Variants in DTNA observed in about 807,000 individuals in gnomAD.
The protein encoded by DTNA is dystrobrevin alpha.
Under a neutral mutation model 100.7 loss-of-function variants are expected in DTNA, and 43 were observed. The observed-to-expected ratio is 0.43, with a 90% CI of 0.33 to 0.55. DTNA has a LOEUF of 0.55. Ranked by LOEUF, DTNA falls within the 20% of genes least tolerant of loss-of-function variation. The pLI, the probability that DTNA is intolerant of heterozygous loss-of-function variation, is 0.04. For synonymous variants in DTNA, 349 were observed against 347.9 expected (o/e 1.00, Z -0.04); for missense variants, 798 against 953.9 (o/e 0.84, Z 2.15).
At chr18:34,635,105 GA>G (rs1462621222) in intron 1 of DTNA, among the ~76,000 whole-genome samples, 1 of 151,954 alleles carries the variant, frequency 6.6e-6, no homozygotes, top group Non-Finnish European at 1.5e-5. Context: ...TTCCACATTT[GA>G]GATCATGTGG....
intron 1 of DTNA, among the ~76,000 whole-genome samples, chr18:34,664,097 C>A (rs977443825): frequency 6.6e-6 from 1 of 152,048 alleles, no homozygotes; most frequent in Admixed American, 6.6e-5. Context: ...CCATAATAAT[C>A]TGAAAGGCTA....
chr18:34,595,289 T>G (rs1396164681), intron 1 of DTNA, among the ~76,000 whole-genome samples: 1 of 152,230 alleles, frequency 6.6e-6, no homozygotes, highest in Non-Finnish European at 1.5e-5. Flanking sequence ...AGGCATACCT[T>G]TTATGTAACT....
At chr18:34,518,346 A>AAT (rs756347308) in intron 1 of DTNA, among the ~76,000 whole-genome samples, 1 of 151,992 alleles carries the variant, frequency 6.6e-6, no homozygotes, top group Non-Finnish European at 1.5e-5. Context: ...GTGGTTTGCA[A>AAT]ATAGTTTCTT....
chr18:34,822,346 C>T (rs184010223), intron 9 of DTNA: 8 of 152,322 alleles, frequency 5.3e-5, no homozygotes, highest in East Asian at 1.9e-4. Context: ...ATGACCACAG[C>T]GAAGTGAGAG....
intron 3 of DTNA, among the ~76,000 whole-genome samples, chr18:34,770,161 A>G (rs982964798): frequency 6.6e-6 from 1 of 152,214 alleles, no homozygotes; most frequent in Non-Finnish European, 1.5e-5. Context: ...TGGGGCACAA[A>G]CATTCAAACA....
chr18:34,499,073 T>C (rs1448595011), intron 1 of DTNA, among the ~76,000 whole-genome samples: 4 of 152,168 alleles, frequency 2.6e-5, no homozygotes, highest in Non-Finnish European at 5.9e-5. Context: ...GATGAACAAA[T>C]TCCAGCACCA....
intron 2 of DTNA, 100 bp downstream of exon 2, chr18:34,756,143 T>A: frequency 7.2e-7 from 1 of 1,380,350 alleles, no homozygotes; most frequent in Non-Finnish European, 1.0e-6. Context: ...GTACTTTTCC[T>A]TAGGATCCTA....
At chr18:34,818,053 C>G in intron 7 of DTNA, 111 bp from the exon 8 acceptor site, 1 of 1,595,664 alleles carries the variant, frequency 6.3e-7, no homozygotes, top group Non-Finnish European at 8.5e-7. Context: ...CAACTATCAT[C>G]TGAAATCGTG....
intron 21 of DTNA, among the ~76,000 whole-genome samples, chr18:34,884,303 T>G (rs1208480928): frequency 1.3e-5 from 2 of 152,204 alleles, no homozygotes; most frequent in Non-Finnish European, 2.9e-5. Flanking sequence ...ATATTAGATT[T>G]TTATTCATTT....
chr18:34,508,524 A>T (rs1309260946), intron 1 of DTNA, among the ~76,000 whole-genome samples: 1 of 152,148 alleles, frequency 6.6e-6, no homozygotes, highest in African/African-American at 2.4e-5. Flanking sequence ...AAACCCCAGG[A>T]TAGGGTAAGA....
intron 1 of DTNA, among the ~76,000 whole-genome samples, chr18:34,658,028 A>G (rs1323763769): frequency 6.6e-6 from 1 of 152,216 alleles, no homozygotes; most frequent in African/African-American, 2.4e-5. Flanking sequence ...GGCTGACTTC[A>G]GAGTCTCAAA....
At chr18:34,871,013 A>G (rs1481110194) in intron 17 of DTNA, among the ~76,000 whole-genome samples, 1 of 152,256 alleles carries the variant, frequency 6.6e-6, no homozygotes, top group East Asian at 1.9e-4. Flanking sequence ...AAGAAAGGAT[A>G]AAAACAGGGC....
chr18:34,862,056 G>A (rs1167169145), intron 16 of DTNA, among the ~76,000 whole-genome samples: 3 of 137,058 alleles, frequency 2.2e-5, no homozygotes, highest in Non-Finnish European at 4.6e-5. Flanking sequence ...AAAGAAATCA[G>A]AAACATTATC....
Position 34,647,411 on chromosome 18 carries a change from G to A in DTNA, c.-1-108565G>A, listed in dbSNP as rs548723540. 2.2e-3 allele frequency among the ~76,000 whole-genome samples: 340 copies of A among 152,244 alleles called. 3 individuals are homozygous for A. Among genetic ancestry groups the A allele is most frequent in the African/African-American group, 7.4e-3 (309 of 41,540 alleles). On this transcript the variant is annotated intron_variant, in intron 1 of 19. Transcript: ENST00000283365. ...CTAGCCACCAGTAGGGGGAAAAATG[G>A]CATAGAAAAAGGGCAGCTTTACAGG... is the stretch of plus-strand genomic sequence containing the variant.
At chr18:34,780,004 G>A (rs1282556183) in intron 3 of DTNA, among the ~76,000 whole-genome samples, 1 of 152,062 alleles carries the variant, frequency 6.6e-6, no homozygotes, top group Non-Finnish European at 1.5e-5. Flanking sequence ...CTCATGCTTT[G>A]CTGCATAAAC....
chr18:34,575,056 C>T lies in DTNA; in HGVS notation c.-2+81542C>T, dbSNP rs139002415. On this transcript the variant is annotated intron_variant, in intron 1 of 19. Transcript: ENST00000283365. ...GAAATAATTCTTTTCTATAGGTGTC[C>T]GGCTCCTCAGAGGCATAGCTGATAT... 6.0e-4 allele frequency among the ~76,000 whole-genome samples: 92 copies of T among 152,200 alleles called. 2 individuals carry two copies. The East Asian group carries it at 0.017, about 27-fold the overall frequency.
rs1302944909 is a variant in DTNA at position 34,815,914 on chromosome 18, A to T, written c.609A>T (p.Lys203Asn). Residue 203 changes from lysine to asparagine, a missense_variant, in exon 7 of 23, where the codon AAA becomes AAT. This residue lies in a region of DTNA where 81 missense variants were observed against 153.5 expected (regional missense o/e 0.53). Coordinates refer to ENST00000444659, the MANE Select transcript of DTNA (RefSeq NM_001386795.1). Reference protein sequence around the residue: ...SARSCFSQQKKVTLNGFLDTL... With the variant: ...SARSCFSQQKNVTLNGFLDTL... ...TGGGGGGTTTTTTTATGCAGAAAAA[A>T]GTCACGTTAAATGGTTTCTTGGACA... 13 of 1,613,528 alleles carry T rather than the reference A, an allele frequency of 8.1e-6. No homozygotes were observed. Among genetic ancestry groups the T allele is most frequent in the Admixed American group, 1.7e-5 (1 of 59,990 alleles).
At chr18:34,695,500 C>T (rs1186074799) in intron 1 of DTNA, among the ~76,000 whole-genome samples, 3 of 152,096 alleles carry the variant, frequency 2.0e-5, no homozygotes, top group East Asian at 1.9e-4. Flanking sequence ...CCAGTGGAGG[C>T]GCTAACCAGT....
intron 1 of DTNA, among the ~76,000 whole-genome samples, chr18:34,651,951 A>G (rs74741120): frequency 0.014 from 2,196 of 152,064 alleles, 40 homozygotes; most frequent in African/African-American, 0.047. Context: ...ATATAGTCCC[A>G]GGCACTCAGG....
Sources: gnomAD v4.1 joint callset for allele counts (sites outside exome capture counted in the v4.1 genomes callset) on GRCh38, gnomAD v4.1.1 for gene constraint, gnomAD v4.1.1 regional missense constraint, MANE v1.5 for transcripts, NCBI Gene and HGNC (gene_info 2026-07-23, HGNC 2026-07-21) for gene names.